ADGRL2: variants seen among roughly 807,000 people sequenced by gnomAD.
ADGRL2 encodes the protein adhesion G protein-coupled receptor L2.
A neutral mutation model predicts 157.4 loss-of-function variants in ADGRL2; 44 were observed. That is an observed-to-expected ratio of 0.28 (90% CI 0.22 to 0.36). The LOEUF is 0.36. Among genes scored for constraint, ADGRL2 ranks in the 10% least tolerant of loss-of-function variants. The pLI is 1.00. For synonymous variants in ADGRL2, 585 were observed against 624.7 expected (o/e 0.94, Z 0.95); for missense variants, 1,510 against 1,768.9 (o/e 0.85, Z 2.63).
At chr1:81,861,014 C>CTTTTT (rs36062412) in intron 2 of ADGRL2, among the ~76,000 whole-genome samples, 2 of 118,488 alleles carry the variant, frequency 1.7e-5, no homozygotes, top group Non-Finnish European at 1.7e-5. Flanking sequence ...ATTTCACTGA[C>CTTTTT]TTTTTTTTTT....
At chr1:81,318,769 C>A (rs1557592285) in intron 1 of ADGRL2, among the ~76,000 whole-genome samples, 1 of 151,872 alleles carries the variant, frequency 6.6e-6, no homozygotes, top group Non-Finnish European at 1.5e-5. Flanking sequence ...TTTTTTCTTA[C>A]TGGAGTCATA....
In ADGRL2 at chr1:81,335,508, G is replaced by A. The variant is rs1413328733; in HGVS notation, c.-302+28999G>A. On this transcript the variant is annotated intron_variant, in intron 1 of 24. Transcript: ENST00000370721. Reference sequence around the variant, plus strand: ...CCCCCAAACCAAAACTGTGATTCTTGTTCACAAAAACACATAATTTAGTGT... The same window carrying A: ...CCCCCAAACCAAAACTGTGATTCTTATTCACAAAAACACATAATTTAGTGT... Among the ~76,000 whole-genome samples the A allele has an allele frequency of 2.0e-5, 3 of 152,080 alleles. No individual in the cohort carries two copies. The South Asian group carries it at 6.2e-4, about 32-fold the overall frequency.
chr1:81,487,474 G>A (rs1261957520), intron 2 of ADGRL2, among the ~76,000 whole-genome samples: 3 of 151,984 alleles, frequency 2.0e-5, no homozygotes, highest in Non-Finnish European at 4.4e-5. Flanking sequence ...GTGAAACCAC[G>A]TCTCTACTAA....
intron 23 of ADGRL2, chr1:81,990,174 C>T (rs1664302905): frequency 2.0e-6 from 2 of 985,160 alleles, no homozygotes; most frequent in Non-Finnish European, 2.4e-6. Flanking sequence ...CATTTTCTCT[C>T]CCTGGAAAAC....
At chr1:81,597,173 T>C (rs893282992) in intron 3 of ADGRL2, among the ~76,000 whole-genome samples, 1 of 152,230 alleles carries the variant, frequency 6.6e-6, no homozygotes, top group East Asian at 1.9e-4. Context: ...CATCTGTCAT[T>C]TGGGGGAGAG....
intron 2 of ADGRL2, among the ~76,000 whole-genome samples, chr1:81,881,905 T>A (rs976126597): frequency 6.6e-6 from 1 of 152,320 alleles, no homozygotes; most frequent in East Asian, 1.9e-4. Flanking sequence ...TAGATTGATT[T>A]GTTTTTTTCC....
intron 3 of ADGRL2, among the ~76,000 whole-genome samples, chr1:81,691,927 T>C (rs1431676855): frequency 6.7e-6 from 1 of 149,044 alleles, no homozygotes; most frequent in African/African-American, 2.5e-5. Context: ...TGTGTATATA[T>C]ATATACACAT....
At chr1:81,683,890 C>T (rs554549263) in intron 3 of ADGRL2, among the ~76,000 whole-genome samples, 57 of 152,080 alleles carry the variant, frequency 3.7e-4, no homozygotes, top group African/African-American at 1.3e-3. Flanking sequence ...AATCTCGGCT[C>T]GCTGCAACCT....
chr1:81,844,016 A>G (rs1199312619), intron 2 of ADGRL2, among the ~76,000 whole-genome samples: 2 of 152,184 alleles, frequency 1.3e-5, no homozygotes, highest in Non-Finnish European at 2.9e-5. Flanking sequence ...CATTCACAAC[A>G]GTCACCCAGC....
chr1:81,564,594 G>A (rs969133745), intron 2 of ADGRL2, among the ~76,000 whole-genome samples: 1 of 152,158 alleles, frequency 6.6e-6, no homozygotes, highest in African/African-American at 2.4e-5. Flanking sequence ...AGCAAGTGAG[G>A]GTGGACAAGA....
At chr1:81,916,026 G>A (rs1416560694) in intron 3 of ADGRL2, among the ~76,000 whole-genome samples, 2 of 151,922 alleles carry the variant, frequency 1.3e-5, no homozygotes, top group Non-Finnish European at 2.9e-5. Context: ...CTAAAACATC[G>A]GTTTCTATTT....
At chr1:81,307,275 G>T (rs1659408565) in intron 1 of ADGRL2, among the ~76,000 whole-genome samples, 1 of 152,222 alleles carries the variant, frequency 6.6e-6, no homozygotes, top group South Asian at 2.1e-4. Flanking sequence ...AAAAATGCAT[G>T]TAAGAGTCTA....
At chr1:81,459,623 G>A (rs2077879521) in intron 2 of ADGRL2, among the ~76,000 whole-genome samples, 1 of 151,780 alleles carries the variant, frequency 6.6e-6, no homozygotes, top group African/African-American at 2.4e-5. Context: ...AAATAATGTG[G>A]CAACAAACAT....
At chr1:81,592,178 A>C (rs1372510743) in intron 3 of ADGRL2, among the ~76,000 whole-genome samples, 4 of 152,118 alleles carry the variant, frequency 2.6e-5, no homozygotes, top group Admixed American at 6.6e-5. Flanking sequence ...CAGCTACTAC[A>C]TCCTCTTCTA....
intron 1 of ADGRL2, among the ~76,000 whole-genome samples, chr1:81,359,267 G>A (rs867338459): frequency 1.2e-4 from 18 of 152,086 alleles, no homozygotes; most frequent in Middle Eastern, 3.4e-3. Flanking sequence ...ATTCTGATAC[G>A]TTTATTGAAC....
rs1571186446 is a variant in ADGRL2 at position 81,778,323 on chromosome 1, A to T, written c.-101+16471A>T. ...GGCGACAGAGCGAGACTCCGTCTCA[A>T]AAAAAAAAAAAAAAAATTACTATCC... is the stretch of plus-strand genomic sequence containing the variant. On this transcript the variant is annotated intron_variant, in intron 2 of 20. Transcript: ENST00000359929. Among the ~76,000 whole-genome samples the T allele has an allele frequency of 1.4e-4, 3 of 21,256 alleles. 1 individual carries two copies. 13.9% of individuals were successfully genotyped at this position (21,256 alleles called of 152,430 possible). A position where few individuals can be genotyped will look rare whatever the true frequency, so the allele number is the denominator to read the frequency against.
At chr1:81,534,676 C>T (rs1338074300) in intron 2 of ADGRL2, among the ~76,000 whole-genome samples, 1 of 152,122 alleles carries the variant, frequency 6.6e-6, no homozygotes, top group African/African-American at 2.4e-5. Flanking sequence ...AGACAGATGC[C>T]TAGCAAGGTT....
At chr1:81,684,925 T>C (rs1352716684) in intron 3 of ADGRL2, among the ~76,000 whole-genome samples, 1 of 152,198 alleles carries the variant, frequency 6.6e-6, no homozygotes, top group Non-Finnish European at 1.5e-5. Flanking sequence ...TTGTTTGCTT[T>C]GTTGAAGATC....
intron 2 of ADGRL2, among the ~76,000 whole-genome samples, chr1:81,781,375 C>T (rs79175568): frequency 6.6e-6 from 1 of 152,180 alleles, no homozygotes; most frequent in Non-Finnish European, 1.5e-5. Flanking sequence ...TTGCTTTAAT[C>T]AGTGCAGATA....
Sources: gnomAD v4.1 joint callset for allele counts (sites outside exome capture counted in the v4.1 genomes callset) on GRCh38, gnomAD v4.1.1 for gene constraint, MANE v1.5 for transcripts, NCBI Gene and HGNC (gene_info 2026-07-23, HGNC 2026-07-21) for gene names.